Variants in SYT1 observed in about 807,000 individuals in gnomAD.
SYT1 encodes synaptotagmin-1.
Under a neutral mutation model 44.8 loss-of-function variants are expected in SYT1, and 8 were observed. The observed-to-expected ratio is 0.18, with a 90% confidence interval of 0.10 to 0.32. The LOEUF is 0.32. Ranked by LOEUF, SYT1 falls within the 10% of genes least tolerant of loss-of-function variation. The pLI, the probability that SYT1 is intolerant of heterozygous loss-of-function variation, is 1.00. For missense variants in SYT1, 286 were observed against 509.3 expected (o/e 0.56, Z 4.22); for synonymous variants, 154 against 188.8 (o/e 0.82, Z 1.51).
chr12:79,337,996 G>C (rs552760318), intron 8 of SYT1, among the ~76,000 whole-genome samples: 2 of 152,156 alleles, frequency 1.3e-5, no homozygotes, highest in East Asian at 3.9e-4. Flanking sequence ...AGGACATGTG[G>C]TTGACAGAGG....
chr12:79,326,071 A>G (rs1881596108), intron 8 of SYT1, among the ~76,000 whole-genome samples: 1 of 152,258 alleles, frequency 6.6e-6, no homozygotes, highest in Non-Finnish European at 1.5e-5. Context: ...AAAGGGTAGT[A>G]CAGCAAAATG....
At chr12:79,184,898 C>A (rs1360508213) in intron 3 of SYT1, among the ~76,000 whole-genome samples, 1 of 152,020 alleles carries the variant, frequency 6.6e-6, no homozygotes, top group Non-Finnish European at 1.5e-5. Context: ...GGGAATATTT[C>A]TCTTTAAACT....
intron 1 of SYT1, among the ~76,000 whole-genome samples, chr12:78,910,110 TTC>T (rs1876234031): frequency 6.6e-6 from 1 of 151,934 alleles, no homozygotes; most frequent in Admixed American, 6.6e-5. Flanking sequence ...TAGAAATTGC[TTC>T]CTCACCATTG....
At chr12:79,006,652 T>A (rs1013117492) in intron 2 of SYT1, among the ~76,000 whole-genome samples, 1 of 152,118 alleles carries the variant, frequency 6.6e-6, no homozygotes, top group Admixed American at 6.6e-5. Context: ...TTTTGGGTTT[T>A]GTTATCTGAA....
intron 9 of SYT1, among the ~76,000 whole-genome samples, chr12:79,439,442 G>A (rs1252233836): frequency 6.6e-6 from 1 of 152,080 alleles, no homozygotes; most frequent in East Asian, 1.9e-4. Flanking sequence ...TTTAGAGCGG[G>A]TATGCTTCTT....
intron 8 of SYT1, among the ~76,000 whole-genome samples, chr12:79,309,927 G>A (rs1206031605): frequency 2.6e-5 from 4 of 152,094 alleles, no homozygotes; most frequent in Admixed American, 1.3e-4. Context: ...CCCTTTGTCA[G>A]ATGAGTAGGT....
At chr12:78,948,135 A>G (rs1181312661) in intron 1 of SYT1, among the ~76,000 whole-genome samples, 1 of 151,758 alleles carries the variant, frequency 6.6e-6, no homozygotes, top group East Asian at 1.9e-4. Flanking sequence ...TTACTTAGGT[A>G]ATTTTTTAAA....
At position 79,079,595 on chromosome 12, in the gene SYT1, A is replaced by T. The variant is rs532301453; in HGVS notation, c.-18+32233A>T. Among the ~76,000 whole-genome samples the T allele has an allele frequency of 1.1e-4, 17 of 152,234 alleles. No individual in the cohort carries two copies. In the East Asian group the frequency reaches 2.7e-3, roughly 24 times the overall value. On this transcript the variant is annotated intron_variant, in intron 3 of 10. Transcript: ENST00000261205. The stretch of plus-strand genomic sequence containing the variant: ...TTAATGTATCAAAGTATGATAGTAG[A>T]AATGACATTTTCAGATATTTGAATT...
intron 3 of SYT1, among the ~76,000 whole-genome samples, chr12:79,181,698 G>T (rs1313399934): frequency 6.6e-6 from 1 of 151,992 alleles, no homozygotes; most frequent in Non-Finnish European, 1.5e-5. Flanking sequence ...ACACCAATGG[G>T]CTTTCACTGC....
chr12:78,933,267 C>A (rs11609097), intron 1 of SYT1, among the ~76,000 whole-genome samples: 13,827 of 152,076 alleles, frequency 0.091, 723 homozygotes, highest in East Asian at 0.18. Flanking sequence ...CTTCTGTGAG[C>A]CTGTCTTGTC....
chr12:79,165,410 G>A (rs1871172426), intron 3 of SYT1, among the ~76,000 whole-genome samples: 1 of 151,924 alleles, frequency 6.6e-6, no homozygotes, highest in South Asian at 2.1e-4. Context: ...TTAGAACAGT[G>A]TTGCAAAGGT....
At chr12:79,050,993 G>C (rs1874438626) in intron 3 of SYT1, among the ~76,000 whole-genome samples, 1 of 151,388 alleles carries the variant, frequency 6.6e-6, no homozygotes, top group African/African-American at 2.4e-5. Context: ...ATTTATATAT[G>C]GCCTGATAGG....
chr12:79,011,491 T>C (rs903294750), intron 2 of SYT1, among the ~76,000 whole-genome samples: 2 of 151,948 alleles, frequency 1.3e-5, no homozygotes, highest in African/African-American at 4.8e-5. Context: ...TATCATAATA[T>C]TAAGGAGAGA....
chr12:79,354,780 C>G (rs935389708), intron 9 of SYT1, among the ~76,000 whole-genome samples: 14 of 152,264 alleles, frequency 9.2e-5, no homozygotes, highest in African/African-American at 3.1e-4. Context: ...GAAAAACATG[C>G]AGAGAAATTT....
chr12:78,936,192 G>A (rs1211375705), intron 1 of SYT1, among the ~76,000 whole-genome samples: 3 of 151,822 alleles, frequency 2.0e-5, no homozygotes, highest in Non-Finnish European at 2.9e-5. Context: ...TTTCAGTGTA[G>A]GAAAGGTTAA....
chr12:79,232,082 A>G (rs377214306), intron 4 of SYT1, among the ~76,000 whole-genome samples: 4 of 152,186 alleles, frequency 2.6e-5, no homozygotes, highest in African/African-American at 9.7e-5. Context: ...TAAAATAAAG[A>G]CAATAATAGT....
chr12:79,353,431 C>A (rs1882989239), intron 8 of SYT1, 71 bp from the exon 9 acceptor site: 22 of 1,159,662 alleles, frequency 1.9e-5, no homozygotes, highest in Non-Finnish European at 2.7e-5. Flanking sequence ...GAAGAATTTA[C>A]AATATATATG....
chr12:79,436,997 A>C (rs1018987913), intron 9 of SYT1, among the ~76,000 whole-genome samples: 1 of 152,172 alleles, frequency 6.6e-6, no homozygotes, highest in African/African-American at 2.4e-5. Flanking sequence ...TCTTCAGGGA[A>C]GTGGTGACTT....
intron 3 of SYT1, among the ~76,000 whole-genome samples, chr12:79,168,737 A>G (rs148967271): frequency 3.9e-5 from 6 of 152,138 alleles, no homozygotes; most frequent in Admixed American, 1.3e-4. Flanking sequence ...TGAGGTCACA[A>G]CCAGACATTG....
Sources: allele counts gnomAD v4.1 joint callset (sites outside exome capture counted in the v4.1 genomes callset), GRCh38; gene constraint gnomAD v4.1.1; transcripts MANE v1.5; gene names NCBI Gene and HGNC (gene_info 2026-07-23, HGNC 2026-07-21).